The following TAFA2 variants were observed in gnomAD, a reference collection of about 807,000 sequenced individuals.
The protein encoded by TAFA2 is TAFA chemokine like family member 2, also known as chemokine-like protein TAFA-2.
Under a neutral mutation model 18.8 loss-of-function variants are expected in TAFA2, and 7 were observed. The ratio of observed to expected loss-of-function variants is 0.37; its 90% CI spans 0.21 to 0.70. The LOEUF (loss-of-function observed/expected upper bound fraction) is 0.70, where lower values mean the gene tolerates loss of function less well. TAFA2 is among the 30% of genes least tolerant of loss of function. The pLI, the probability that TAFA2 is intolerant of heterozygous loss-of-function variation, is 0.53. For synonymous variants in TAFA2, 60 were observed against 54.2 expected (o/e 1.11, Z -0.47); for missense variants, 122 against 158.1 (o/e 0.77, Z 1.23).
chr12:61,938,272 G>T (rs929555885), intron 1 of TAFA2, among the ~76,000 whole-genome samples: 2 of 149,088 alleles, frequency 1.3e-5, no homozygotes, highest in Non-Finnish European at 3.0e-5. Context: ...ATATATTGCT[G>T]GTGGGAACAT....
intron 2 of TAFA2, among the ~76,000 whole-genome samples, chr12:61,857,371 A>C (rs1322115178): frequency 6.6e-6 from 1 of 152,166 alleles, no homozygotes; most frequent in Non-Finnish European, 1.5e-5. Flanking sequence ...AGGATATTCA[A>C]TTTAATTTTT....
intron 1 of TAFA2, among the ~76,000 whole-genome samples, chr12:61,963,115 C>T (rs535677266): frequency 6.6e-6 from 1 of 151,990 alleles, no homozygotes; most frequent in Admixed American, 6.6e-5. Flanking sequence ...TTTCTTTATC[C>T]AGTCTATCAT....
intron 1 of TAFA2, among the ~76,000 whole-genome samples, chr12:62,020,685 G>T (rs1244317100): frequency 2.0e-5 from 3 of 152,086 alleles, no homozygotes; most frequent in African/African-American, 7.2e-5. Context: ...ACTCATTTAA[G>T]TTTTCTCTTT....
chr12:62,080,129 G>A (rs1343898606), intron 1 of TAFA2, among the ~76,000 whole-genome samples: 4 of 152,194 alleles, frequency 2.6e-5, no homozygotes, highest in Non-Finnish European at 5.9e-5. Context: ...TGTCAGCAGA[G>A]GCTGCTCAGC....
intron 1 of TAFA2, among the ~76,000 whole-genome samples, chr12:61,917,242 C>G (rs917348065): frequency 2.2e-4 from 33 of 152,196 alleles, no homozygotes; most frequent in African/African-American, 7.7e-4. Context: ...TAATAAAATA[C>G]TAAGAAAAAG....
At chr12:61,907,653 G>A (rs552534195) in intron 1 of TAFA2, among the ~76,000 whole-genome samples, 3 of 152,220 alleles carry the variant, frequency 2.0e-5, no homozygotes, top group Non-Finnish European at 4.4e-5. Flanking sequence ...TGAGAAGAGG[G>A]CCACCATCTT....
intron 1 of TAFA2, among the ~76,000 whole-genome samples, chr12:62,209,116 G>T (rs1408647259): frequency 6.6e-6 from 1 of 152,148 alleles, no homozygotes; most frequent in African/African-American, 2.4e-5. Flanking sequence ...GGAAATCAAA[G>T]ACTTCACATG....
chr12:62,210,561 C>T (rs374341379), intron 1 of TAFA2, among the ~76,000 whole-genome samples: 3 of 152,196 alleles, frequency 2.0e-5, no homozygotes, highest in African/African-American at 4.8e-5. Flanking sequence ...CATTTTTAGA[C>T]AAGCATCGCA....
chr12:62,123,546 G>A (rs1418370785), intron 1 of TAFA2, among the ~76,000 whole-genome samples: 2 of 151,984 alleles, frequency 1.3e-5, no homozygotes, highest in East Asian at 1.9e-4. Flanking sequence ...ATCTTTTCAG[G>A]ATCTGAAAAT....
At chr12:61,886,354 T>A (rs1204640462) in intron 1 of TAFA2, among the ~76,000 whole-genome samples, 1 of 152,132 alleles carries the variant, frequency 6.6e-6, no homozygotes, top group African/African-American at 2.4e-5. Flanking sequence ...GACCTCACTT[T>A]GTTCTCGCTA....
At chr12:62,181,991 C>CCCA (rs1555196466) in intron 1 of TAFA2, among the ~76,000 whole-genome samples, 1 of 59,910 alleles carries the variant, frequency 1.7e-5, no homozygotes, top group East Asian at 2.9e-4. Flanking sequence ...TCAAGTCCAT[C>CCCA]CCCCCCCCGC....
At chr12:61,976,092 C>A (rs181368144) in intron 1 of TAFA2, among the ~76,000 whole-genome samples, 1 of 151,772 alleles carries the variant, frequency 6.6e-6, no homozygotes, top group African/African-American at 2.4e-5. Flanking sequence ...GATATAATTA[C>A]ATAACTAACC....
At chr12:61,908,550 C>T (rs974868217) in intron 1 of TAFA2, among the ~76,000 whole-genome samples, 3 of 151,920 alleles carry the variant, frequency 2.0e-5, no homozygotes, top group East Asian at 1.9e-4. Context: ...AGCATGAGAA[C>T]GGACTAATAC....
chr12:62,089,943 A>G (rs976929141), intron 1 of TAFA2, among the ~76,000 whole-genome samples: 1 of 152,076 alleles, frequency 6.6e-6, no homozygotes, highest in African/African-American at 2.4e-5. Context: ...AATCGCATTC[A>G]TTATTGTATC....
chr12:62,110,413 C>T (rs1208689411), intron 1 of TAFA2, among the ~76,000 whole-genome samples: 8 of 152,084 alleles, frequency 5.3e-5, no homozygotes, highest in Non-Finnish European at 7.4e-5. Context: ...CCTTGATGTT[C>T]ATCAGGGATA....
rs189142803 is a variant in TAFA2, at chr12:62,010,847, G to A, written c.-1-143421C>T. 7.2e-5 allele frequency among the ~76,000 whole-genome samples: 10 copies of A among 138,348 alleles called. No individual in the cohort carries two copies. The East Asian group carries it at 2.3e-3, about 32-fold the overall frequency. The allele number at this position is 138,348 out of a possible 152,430, so 90.8% of individuals were successfully genotyped here. On this transcript the variant is annotated intron_variant, in intron 1 of 4. Coordinates refer to ENST00000416284, the MANE Select transcript of TAFA2 (RefSeq NM_178539.5). ...GCCTCTGCCCAGCAGCCCTTCGTCT[G>A]GGAGGTGGGGAGCGCCTCTGCCCGG...
At chr12:62,017,926 A>G (rs1880993918) in intron 1 of TAFA2, among the ~76,000 whole-genome samples, 1 of 152,214 alleles carries the variant, frequency 6.6e-6, no homozygotes, top group Admixed American at 6.5e-5. Flanking sequence ...CAAATGATCA[A>G]TAATGGGAAA....
At chr12:61,984,374 T>C (rs1879746088) in intron 1 of TAFA2, among the ~76,000 whole-genome samples, 1 of 152,242 alleles carries the variant, frequency 6.6e-6, no homozygotes, top group Admixed American at 6.5e-5. Flanking sequence ...CCCGGTCTTG[T>C]CATTCACGTA....
At chr12:61,851,814 A>G (rs867338025) in intron 2 of TAFA2, among the ~76,000 whole-genome samples, 1 of 135,102 alleles carries the variant, frequency 7.4e-6, no homozygotes, top group Non-Finnish European at 1.6e-5. Context: ...AAAAAAAAAA[A>G]AAAACATGTT....
Sources: gnomAD v4.1 joint callset for allele counts (sites outside exome capture counted in the v4.1 genomes callset) on GRCh38, gnomAD v4.1.1 for gene constraint, MANE v1.5 for transcripts, NCBI Gene and HGNC (gene_info 2026-07-23, HGNC 2026-07-21) for gene names.